The following PGAM1 variants were observed in gnomAD, a reference collection of about 807,000 sequenced individuals.
PGAM1 encodes phosphoglycerate mutase 1.
A neutral mutation model predicts 23.5 loss-of-function variants in PGAM1; 21 were observed. That is an observed-to-expected ratio of 0.89 (90% CI 0.63 to 1.29). PGAM1 has a LOEUF of 1.29. Among genes scored for constraint, PGAM1 ranks in the 50% most tolerant of loss-of-function variants. PGAM1 has a pLI of 0.00. For synonymous variants in PGAM1, 109 were observed against 128.6 expected (o/e 0.85, Z 1.03); for missense variants, 232 against 336.3 (o/e 0.69, Z 2.42).
intron 1 of PGAM1, 37 bp from the exon 2 acceptor site, chr10:97,430,342 C>T (rs2133132219): frequency 6.2e-7 from 1 of 1,611,314 alleles, no homozygotes; most frequent in Middle Eastern, 2.3e-4. Flanking sequence ...TCAGAGTAGA[C>T]CTGGTTAGCT....
At position 97,429,624 on chromosome 10, in the gene PGAM1, A is replaced by C. The variant is rs563184040; in HGVS notation, c.140-755A>C. On this transcript the variant is annotated intron_variant, in intron 1 of 3. Coordinates refer to ENST00000334828, the MANE Select transcript of PGAM1 (RefSeq NM_002629.4). Reference sequence around the variant, plus strand: ...TTTGTGACTACAGTAGAGAGAAACCATGGATTAGAGTTTGTGATGTGATTT... The same window carrying C: ...TTTGTGACTACAGTAGAGAGAAACCCTGGATTAGAGTTTGTGATGTGATTT... Among the ~76,000 whole-genome samples the C allele has an allele frequency of 2.6e-4, 39 of 152,178 alleles. 1 individual carries two copies. In the South Asian group the frequency reaches 7.9e-3, roughly 31 times the overall value.
rs1265363812 is a variant in PGAM1, at chr10:97,426,253, C to T, written c.-55C>T. ...GCGCAGGCGCGGCCGACGGGGCGGG[C>T]TGCTACTCCGGAATCTGCTAATCCC... On this transcript the variant is annotated 5_prime_UTR_variant, in exon 1 of 4. Transcript: ENST00000334828. 1 of 1,608,950 alleles carries T rather than the reference C, an allele frequency of 6.2e-7. No individual in the cohort carries two copies. Among genetic ancestry groups the T allele is most frequent in the East Asian group, 2.2e-5 (1 of 44,802 alleles).
At chr10:97,427,753 C>CT (rs1845425935) in intron 1 of PGAM1, 1 of 1,282,184 alleles carries the variant, frequency 7.8e-7, no homozygotes. Flanking sequence ...TGAAGAGGTG[C>CT]TTCCGCTGAT....
In PGAM1 at chr10:97,426,200, C is replaced by G; in HGVS notation, c.-108C>G. 1.3e-6 allele frequency: 2 copies of G among 1,529,180 alleles called. No individual in the cohort carries two copies. Among genetic ancestry groups the G allele is most frequent in the Non-Finnish European group, 1.8e-6 (2 of 1,114,764 alleles). 94.7% of individuals were successfully genotyped at this position (1,529,180 alleles called of 1,614,324 possible). ...GTGGAAAGATTTGGGCGAGAACTTG[C>G]GCGGGAGCCGGACTGAGCGGTGCGA... On this transcript the variant is annotated 5_prime_UTR_variant, in exon 1 of 4. Coordinates refer to ENST00000334828, the MANE Select transcript of PGAM1 (RefSeq NM_002629.4).
At chr10:97,429,711 A>C (rs1163410798) in intron 1 of PGAM1, among the ~76,000 whole-genome samples, 1 of 152,176 alleles carries the variant, frequency 6.6e-6, no homozygotes, top group African/African-American at 2.4e-5. Flanking sequence ...ACAAATACAA[A>C]AACAAAATAA....
At chr10:97,428,438 A>G (rs1845434564) in intron 1 of PGAM1, among the ~76,000 whole-genome samples, 1 of 152,136 alleles carries the variant, frequency 6.6e-6, no homozygotes, top group Admixed American at 6.6e-5. Flanking sequence ...GTCCACTCCT[A>G]CCCCTGTGAG....
intron 1 of PGAM1, chr10:97,428,058 C>G: frequency 1.7e-6 from 1 of 579,322 alleles, no homozygotes; most frequent in Non-Finnish European, 2.8e-6. Flanking sequence ...TTCTTTAGCT[C>G]TGTGGCAGGA....
intron 1 of PGAM1, 127 bp from the exon 2 acceptor site, chr10:97,430,252 G>T: frequency 1.8e-6 from 2 of 1,139,404 alleles, no homozygotes; most frequent in Non-Finnish European, 2.6e-6. Flanking sequence ...CAAAACAGTT[G>T]GCCAAATATT....
chr10:97,426,555 T>G, intron 1 of PGAM1, 109 bp downstream of exon 1: 1 of 1,347,124 alleles, frequency 7.4e-7, no homozygotes, highest in Non-Finnish European at 9.9e-7. Context: ...GGGCAGCATC[T>G]CTCTTAACAG....
intron 2 of PGAM1, 77 bp downstream of exon 2, chr10:97,430,730 T>G (rs1207558275): frequency 6.3e-7 from 1 of 1,588,736 alleles, no homozygotes; most frequent in Non-Finnish European, 8.6e-7. Flanking sequence ...CTCACTGAAC[T>G]TACAATTCAT....
chr10:97,431,164 A>G (rs770879295), intron 3 of PGAM1, 29 bp downstream of exon 3: 21 of 1,613,832 alleles, frequency 1.3e-5, no homozygotes, highest in Middle Eastern at 1.6e-4. Flanking sequence ...AGGCGCCCTC[A>G]AGGAAGGATA....
chr10:97,430,654 G>A lies in PGAM1; in HGVS notation c.414+1G>A, dbSNP rs1435005331. 6 of 1,603,098 alleles carry A rather than the reference G, an allele frequency of 3.7e-6. No homozygotes were observed. Among genetic ancestry groups the A allele is most frequent in the Non-Finnish European group, 5.1e-6 (6 of 1,179,982 alleles). Reference sequence around the variant, plus strand: ...TCCTTTCTACAGCAACATCAGTAAGGTATGGACAAACAGAGGTTTGGTCAC... The same window carrying A: ...TCCTTTCTACAGCAACATCAGTAAGATATGGACAAACAGAGGTTTGGTCAC... On this transcript the variant is annotated splice_donor_variant, in intron 2 of 3. Transcript: ENST00000334828. LOFTEE classifies it high-confidence loss of function.
Position 97,432,570 on chromosome 10 carries a change from G to C in PGAM1, c.*46G>C. 1 of 1,113,016 alleles carries C rather than the reference G, an allele frequency of 9.0e-7. No individual in the cohort carries two copies. Among genetic ancestry groups the C allele is most frequent in the Non-Finnish European group, 1.3e-6 (1 of 743,918 alleles). 68.9% of individuals were successfully genotyped at this position (1,113,016 alleles called of 1,614,324 possible). A position where few individuals can be genotyped will look rare whatever the true frequency, so the allele number is the denominator to read the frequency against. ...GTCCCCAGGAGCACCCTCCCTGCCCGTCTTGTCCCTCTGCCCCTCCCACCT... is the reference window on the plus strand; with the variant it reads ...GTCCCCAGGAGCACCCTCCCTGCCCCTCTTGTCCCTCTGCCCCTCCCACCT... On this transcript the variant is annotated 3_prime_UTR_variant, in exon 4 of 4. Transcript: ENST00000334828.
intron 1 of PGAM1, chr10:97,428,077 A>G (rs1435566464): frequency 8.3e-6 from 4 of 479,506 alleles, no homozygotes; most frequent in Non-Finnish European, 1.4e-5. Context: ...GAAGAACTGT[A>G]TCAGTCCGTG....
In PGAM1 at chr10:97,426,202, CG is replaced by C. The variant is rs1219426204; in HGVS notation, c.-103del. The C allele has an allele frequency of 3.2e-5, 50 of 1,538,860 alleles. No individual in the cohort carries two copies. The highest frequency in any genetic ancestry group is 4.2e-5 in the Non-Finnish European group (47 of 1,122,806). Reference sequence around the variant, plus strand: ...GGAAAGATTTGGGCGAGAACTTGCGCGGGAGCCGGACTGAGCGGTGCGAGCG... The same window carrying C: ...GGAAAGATTTGGGCGAGAACTTGCGCGGAGCCGGACTGAGCGGTGCGAGCG... On this transcript the variant is annotated 5_prime_UTR_variant, in exon 1 of 4. Coordinates refer to ENST00000334828, the MANE Select transcript of PGAM1 (RefSeq NM_002629.4).
intron 1 of PGAM1, among the ~76,000 whole-genome samples, chr10:97,429,253 G>A (rs7090847): frequency 0.47 from 71,030 of 151,590 alleles, 18,375 homozygotes; most frequent in Non-Finnish European, 0.58. Context: ...ACAGGCGCCC[G>A]CCACCATGCC....
intron 1 of PGAM1, among the ~76,000 whole-genome samples, chr10:97,426,864 GT>G (rs1437880422): frequency 6.6e-6 from 1 of 152,168 alleles, no homozygotes; most frequent in Non-Finnish European, 1.5e-5. Context: ...GTGAAACCCC[GT>G]CTCTATTGAA....
chr10:97,427,242 C>T lies in PGAM1; in HGVS notation c.139+796C>T, dbSNP rs147426489. The stretch of plus-strand genomic sequence containing the variant: ...CTAGCGGATCGACACGCCACACAGC[C>T]TCGTCCCCAGCAGTAGGTGGAGGCC... On this transcript the variant is annotated intron_variant, in intron 1 of 3. Coordinates refer to ENST00000334828, the MANE Select transcript of PGAM1 (RefSeq NM_002629.4). 2.2e-5 allele frequency: 22 copies of T among 985,022 alleles called. No individual in the cohort carries two copies. In the East Asian group the frequency reaches 2.2e-3, roughly 96 times the overall value. 61.0% of individuals were successfully genotyped at this position (985,022 alleles called of 1,614,324 possible).
chr10:97,428,589 C>T (rs897102676), intron 1 of PGAM1, among the ~76,000 whole-genome samples: 1 of 152,240 alleles, frequency 6.6e-6, no homozygotes, highest in African/African-American at 2.4e-5. Context: ...AGTGAGCCGC[C>T]TCATTGCAAG....
Sources: allele counts gnomAD v4.1 joint callset (sites outside exome capture counted in the v4.1 genomes callset), GRCh38; gene constraint gnomAD v4.1.1; transcripts MANE v1.5; gene names NCBI Gene and HGNC (gene_info 2026-07-23, HGNC 2026-07-21).